The following GUK1 variants were observed in gnomAD, a reference collection of about 807,000 sequenced individuals.
GUK1 encodes the protein guanylate kinase 1.
A neutral mutation model predicts 25.2 loss-of-function variants in GUK1; 18 were observed. The observed-to-expected ratio is 0.71, with a 90% CI of 0.49 to 1.06. The LOEUF (loss-of-function observed/expected upper bound fraction) is 1.06. GUK1 is among the 50% of genes least tolerant of loss of function. GUK1 has a pLI of 0.00. For missense variants in GUK1, 261 were observed against 276.7 expected (o/e 0.94, Z 0.40); for synonymous variants, 105 against 117.6 (o/e 0.89, Z 0.69).
intron 4 of GUK1, chr1:228,146,277 G>A (rs929673704): frequency 1.2e-5 from 7 of 570,460 alleles, no homozygotes; most frequent in African/African-American, 9.4e-5. Flanking sequence ...GTGAGAGGCC[G>A]GCCAAGGCCT....
rs1438675065 is a variant in GUK1, at chr1:228,148,899, T to TCTGG, written c.*203_*206dup. On this transcript the variant is annotated 3_prime_UTR_variant, in exon 9 of 9. Coordinates refer to ENST00000312726, the MANE Select transcript of GUK1 (RefSeq NM_000858.7). ...GCTGTCCCCTGTCCCTATCTCTCACTCTGGACCCAGGGCTGACATCCTAAT... is the reference window on the plus strand; with the variant it reads ...GCTGTCCCCTGTCCCTATCTCTCACTCTGGCTGGACCCAGGGCTGACATCCTAAT... 7.5e-7 allele frequency: 1 copy of TCTGG among 1,328,334 alleles called. No homozygotes were observed. Among genetic ancestry groups the TCTGG allele is most frequent in the African/African-American group, 1.5e-5 (1 of 68,540 alleles). 82.3% of individuals were successfully genotyped at this position (1,328,334 alleles called of 1,614,324 possible). A position where few individuals can be genotyped will look rare whatever the true frequency, so the allele number is the denominator to read the frequency against.
upstream of GUK1, chr1:228,140,091 G>A: frequency 1.8e-6 from 1 of 543,636 alleles, no homozygotes; most frequent in Non-Finnish European, 3.2e-6. Flanking sequence ...CTGGGAGGGC[G>A]CTGTGCTGAA....
In GUK1 at chr1:228,148,725, G is replaced by C; in HGVS notation, c.*28G>C. 1 of 1,609,902 alleles carries C rather than the reference G, an allele frequency of 6.2e-7. No individual in the cohort carries two copies. The highest frequency in any genetic ancestry group is 8.5e-7 in the Non-Finnish European group (1 of 1,179,424). On this transcript the variant is annotated 3_prime_UTR_variant, in exon 9 of 9. Coordinates refer to ENST00000312726, the MANE Select transcript of GUK1 (RefSeq NM_000858.7). ...CTTGCTGTCTGTTCTCGGCACCCCGGGCCCATACAGGACCAGGGCAGCAGC... is the reference window on the plus strand; with the variant it reads ...CTTGCTGTCTGTTCTCGGCACCCCGCGCCCATACAGGACCAGGGCAGCAGC...
chr1:228,148,599 G>A, intron 8 of GUK1, 66 bp from the exon 8 acceptor site: 1 of 1,471,336 alleles, frequency 6.8e-7, no homozygotes. Flanking sequence ...ACGGTGGAGG[G>A]AGAGCAGGAA....
At chr1:228,143,916 TG>T (rs1463482185) in intron 2 of GUK1, among the ~76,000 whole-genome samples, 1 of 152,182 alleles carries the variant, frequency 6.6e-6, no homozygotes. Context: ...GGAGAGCACA[TG>T]GACTTCTGGG....
intron 2 of GUK1, chr1:228,144,821 G>A (rs2034279944): frequency 1.6e-6 from 1 of 615,718 alleles, no homozygotes; most frequent in Non-Finnish European, 2.0e-6. Context: ...CCTGCCACGT[G>A]TCCAAGCTAG....
chr1:228,143,002 AC>A (rs1445618043), intron 2 of GUK1, among the ~76,000 whole-genome samples: 1 of 151,818 alleles, frequency 6.6e-6, no homozygotes, highest in Middle Eastern at 3.2e-3. Flanking sequence ...TGGAGCCTGG[AC>A]CCCTGCCTGG....
chr1:228,147,465 T>G lies in GUK1; in HGVS notation c.311T>G (p.Leu104Arg). The stretch of plus-strand genomic sequence containing the variant: ...CGCATCTGTGTGCTGGACGTGGACC[T>G]GCAGGGTGTGCGGAACATCAAGGCC... Residue 104 changes from leucine (L) to arginine (R), a missense_variant, in exon 6 of 9, where the codon CTG (leucine) becomes CGG (arginine). Coordinates refer to ENST00000312726, the MANE Select transcript of GUK1 (RefSeq NM_000858.7). 1.2e-6 allele frequency: 2 copies of G among 1,612,900 alleles called. No homozygotes were observed. Among genetic ancestry groups the G allele is most frequent in the Non-Finnish European group, 1.7e-6 (2 of 1,179,724 alleles).
At chr1:228,141,347 T>C (rs768940353) in intron 2 of GUK1, 217 of 755,458 alleles carry the variant, frequency 2.9e-4, no homozygotes, top group Non-Finnish European at 3.3e-4. Flanking sequence ...GCGCCCTGGC[T>C]GCTCCTGGTG....
chr1:228,142,384 C>T (rs779575906), intron 2 of GUK1, among the ~76,000 whole-genome samples: 7 of 152,200 alleles, frequency 4.6e-5, no homozygotes, highest in Non-Finnish European at 1.0e-4. Flanking sequence ...GCGCAGACAA[C>T]GCCCTTGGCG....
intron 2 of GUK1, chr1:228,144,284 T>C: frequency 6.6e-6 from 1 of 152,292 alleles, no homozygotes; most frequent in East Asian, 1.9e-4. Flanking sequence ...TGTCTGCTCG[T>C]CTGCCCACAG....
At chr1:228,142,841 A>G (rs1412438002) in intron 2 of GUK1, among the ~76,000 whole-genome samples, 1 of 151,836 alleles carries the variant, frequency 6.6e-6, no homozygotes, top group Non-Finnish European at 1.5e-5. Context: ...GTCTTGTGGT[A>G]GTTTGGTGGG....
At chr1:228,140,231 C>T, upstream of GUK1, 1 of 1,305,582 alleles carries the variant, frequency 7.7e-7, no homozygotes, top group Non-Finnish European at 1.1e-6. Context: ...TGACGTCAGT[C>T]TCGCGCGCGG....
At chr1:228,144,787 C>T in intron 2 of GUK1, 4 of 916,084 alleles carry the variant, frequency 4.4e-6, no homozygotes, top group Non-Finnish European at 5.2e-6. Context: ...TCCCACCAGG[C>T]AAAGGCCAGC....
intron 5 of GUK1, 78 bp from the exon 5 acceptor site, chr1:228,147,328 G>A: frequency 5.0e-6 from 7 of 1,395,906 alleles, no homozygotes; most frequent in Non-Finnish European, 6.9e-6. Context: ...CTGGGCCCGG[G>A]AGGGCCTGGG....
chr1:228,147,457 C>T lies in GUK1; in HGVS notation c.303C>T (p.Asp101=), dbSNP rs763681818. ...CCATGAACCGCATCTGTGTGCTGGA[C>T]GTGGACCTGCAGGGTGTGCGGAACA... Residue 101 remains aspartate, a synonymous_variant, in exon 6 of 9, where the codon GAC becomes GAT. Coordinates refer to ENST00000312726, the MANE Select transcript of GUK1 (RefSeq NM_000858.7). 6.8e-6 allele frequency: 11 copies of T among 1,612,658 alleles called. No individual in the cohort carries two copies. The highest frequency in any genetic ancestry group is 2.7e-5 in the African/African-American group (2 of 74,920).
intron 2 of GUK1, chr1:228,145,100 C>T (rs530124035): frequency 6.3e-6 from 1 of 158,192 alleles, no homozygotes; most frequent in South Asian, 1.8e-4. Flanking sequence ...GTGGGGGTCT[C>T]AGAGCAGGCT....
chr1:228,147,318 C>T, intron 5 of GUK1, 88 bp from the exon 5 acceptor site: 2 of 1,320,862 alleles, frequency 1.5e-6, no homozygotes, highest in Non-Finnish European at 2.1e-6. Context: ...GAGGAGAACG[C>T]TGGGCCCGGG....
In GUK1 at chr1:228,146,333, C is replaced by T. The variant is rs545792991; in HGVS notation, c.154+266C>T. Reference sequence around the variant, plus strand: ...TTGGAGGCGGCCACAGTGCTGCTGTCCCCAGCCCTGTCCTGGACTCGGCAC... The same window carrying T: ...TTGGAGGCGGCCACAGTGCTGCTGTTCCCAGCCCTGTCCTGGACTCGGCAC... On this transcript the variant is annotated intron_variant, in intron 4 of 8. Coordinates refer to ENST00000312726, the MANE Select transcript of GUK1 (RefSeq NM_000858.7). 9 of 547,328 alleles carry T rather than the reference C, an allele frequency of 1.6e-5. No individual in the cohort carries two copies. The African/African-American group carries it at 1.7e-4, about 10-fold the overall frequency. The allele number at this position is 547,328 out of a possible 1,614,324, so 33.9% of individuals were successfully genotyped here.
Sources: gnomAD v4.1 joint callset for allele counts (sites outside exome capture counted in the v4.1 genomes callset) on GRCh38, gnomAD v4.1.1 for gene constraint, MANE v1.5 for transcripts, NCBI Gene and HGNC (gene_info 2026-07-23, HGNC 2026-07-21) for gene names.